The following PRDM2 variants were observed in gnomAD, a reference collection of about 807,000 sequenced individuals.
PRDM2 encodes PR/SET domain 2.
A neutral mutation model predicts 130.0 loss-of-function variants in PRDM2; 30 were observed. The ratio of observed to expected loss-of-function variants is 0.23; its 90% CI spans 0.17 to 0.31. The LOEUF (loss-of-function observed/expected upper bound fraction) is 0.31, where lower values mean the gene tolerates loss of function less well. PRDM2 is among the 10% of genes least tolerant of loss of function. The pLI is 1.00. For missense variants in PRDM2, 2,011 were observed against 2,108.4 expected (o/e 0.95, Z 0.90); for synonymous variants, 871 against 782.4 (o/e 1.11, Z -1.89).
intron 7 of PRDM2, among the ~76,000 whole-genome samples, chr1:13,777,889 A>T (rs1644513529): frequency 6.6e-6 from 1 of 151,954 alleles, no homozygotes; most frequent in Non-Finnish European, 1.5e-5. Context: ...TGATTCTGGA[A>T]AATGTTCTAG....
intron 8 of PRDM2, among the ~76,000 whole-genome samples, chr1:13,786,312 A>G (rs1378311040): frequency 6.6e-6 from 1 of 152,148 alleles, no homozygotes; most frequent in Non-Finnish European, 1.5e-5. Flanking sequence ...CATCTCTGCT[A>G]CATCCCTTGG....
intron 6 of PRDM2, among the ~76,000 whole-genome samples, chr1:13,770,154 A>G (rs1335881039): frequency 6.6e-6 from 1 of 152,120 alleles, no homozygotes; most frequent in Non-Finnish European, 1.5e-5. Flanking sequence ...GCTTCTCCTC[A>G]CAGTGGATTG....
At chr1:13,716,397 G>A (rs544951577) in intron 2 of PRDM2, among the ~76,000 whole-genome samples, 303 of 151,678 alleles carry the variant, frequency 2.0e-3, no homozygotes, top group Non-Finnish European at 2.1e-3. Flanking sequence ...ACATGTATAC[G>A]TATGTAACTA....
At chr1:13,757,626 C>T (rs892031173) in intron 6 of PRDM2, among the ~76,000 whole-genome samples, 1 of 152,118 alleles carries the variant, frequency 6.6e-6, no homozygotes, top group African/African-American at 2.4e-5. Context: ...AATGTGTAGT[C>T]TAAAGATTAA....
chr1:13,789,219 A>T (rs962483579), intron 8 of PRDM2, among the ~76,000 whole-genome samples: 48 of 152,364 alleles, frequency 3.2e-4, no homozygotes, highest in African/African-American at 1.2e-3. Context: ...TTAAAAAATC[A>T]AAAGCTAATT....
chr1:13,759,135 C>G (rs902983288), intron 6 of PRDM2, among the ~76,000 whole-genome samples: 4 of 150,324 alleles, frequency 2.7e-5, no homozygotes, highest in African/African-American at 9.8e-5. Context: ...ACTAATTCAG[C>G]ATTGCTTAGG....
chr1:13,713,591 T>G (rs1482738190), intron 1 of PRDM2, among the ~76,000 whole-genome samples: 1 of 152,242 alleles, frequency 6.6e-6, no homozygotes, highest in African/African-American at 2.4e-5. Flanking sequence ...ATTATAGCTC[T>G]TTCCAAACAT....
chr1:13,795,672 T>C (rs1244741769), intron 8 of PRDM2, among the ~76,000 whole-genome samples: 1 of 152,188 alleles, frequency 6.6e-6, no homozygotes, highest in African/African-American at 2.4e-5. Flanking sequence ...TGAACCCATT[T>C]TGTATCTTCT....
In PRDM2 at chr1:13,778,453, G is replaced by C; in HGVS notation, c.658G>C (p.Ala220Pro). 6.2e-7 allele frequency: 1 copy of C among 1,613,540 alleles called. No individual in the cohort carries two copies. Reference protein sequence around the residue: ...KEDEEKPSASALEQPATLQEV... With the variant: ...KEDEEKPSASPLEQPATLQEV... ...AGACGAAGAGAAGCCTTCAGCCTCA[G>C]CACTTGAGCAGCCGGCCACCCTCCA... Residue 220 changes from alanine (A) to proline (P), a missense_variant, in exon 8 of 10, where the codon GCA (alanine) becomes CCA (proline). Ala to Pro is a conservative substitution (Grantham distance 27). Around this residue, in one of 5 missense-constraint regions of PRDM2, gnomAD observed 1,288 missense variants for 1,237.7 expected, o/e 1.04. Transcript: ENST00000311066.
chr1:13,815,236 A>T (rs1216271206), intron 8 of PRDM2, among the ~76,000 whole-genome samples: 1 of 151,566 alleles, frequency 6.6e-6, no homozygotes, highest in East Asian at 1.9e-4. Context: ...CCTCCTGAGT[A>T]GCTGTGATTA....
intron 6 of PRDM2, among the ~76,000 whole-genome samples, chr1:13,753,567 C>G (rs916713488): frequency 2.8e-4 from 42 of 152,088 alleles, no homozygotes; most frequent in Admixed American, 6.5e-5. Flanking sequence ...AAATAACAAG[C>G]CTTTAGAAAC....
intron 8 of PRDM2, among the ~76,000 whole-genome samples, chr1:13,786,259 C>T (rs1401600849): frequency 2.9e-5 from 4 of 137,996 alleles, no homozygotes; most frequent in African/African-American, 1.0e-4. Flanking sequence ...TTCCATTTAC[C>T]AGGAATTGAT....
chr1:13,733,049 T>C (rs973703848), intron 4 of PRDM2, among the ~76,000 whole-genome samples, 167 bp downstream of exon 4: 2 of 152,226 alleles, frequency 1.3e-5, no homozygotes, highest in Non-Finnish European at 2.9e-5. Flanking sequence ...CAGACTGCTA[T>C]TTATATATGC....
chr1:13,713,507 T>A (rs1642435240), intron 1 of PRDM2, among the ~76,000 whole-genome samples: 1 of 152,206 alleles, frequency 6.6e-6, no homozygotes, highest in African/African-American at 2.4e-5. Context: ...GGAAGAAGCT[T>A]CATAAATGAT....
In PRDM2 at chr1:13,780,787, C is replaced by G. The variant is rs896517191; in HGVS notation, c.2992C>G (p.Pro998Ala). The change falls in exon 8 of 10, where the codon CCC becomes GCC. Residue 998 changes from proline to alanine, a missense_variant. Physicochemically the swap from Pro to Ala is conservative, Grantham distance 27. Transcript: ENST00000311066. The stretch of plus-strand genomic sequence containing the variant: ...CCTTCCTACCGTACCTCTTCCAGCC[C>G]CCTCTTCCAGTGCATCTCCACACCC... ...PLLPTVPLPA[P>A]SSSASPHPCP... 1 of 1,582,718 alleles carries G rather than the reference C, an allele frequency of 6.3e-7. No homozygotes were observed. The highest frequency in any genetic ancestry group is 8.6e-7 in the Non-Finnish European group (1 of 1,161,820).
intron 1 of PRDM2, chr1:13,704,794 C>G (rs767884969): frequency 1.3e-5 from 2 of 152,140 alleles, no homozygotes; most frequent in Non-Finnish European, 2.9e-5. Context: ...AGTATGAATC[C>G]TGTACATTGC....
In PRDM2 at chr1:13,782,808, C is replaced by G; in HGVS notation, c.5013C>G (p.Ala1671=). Residue 1671 remains alanine, a synonymous_variant, in exon 8 of 10, where the codon GCC becomes GCG. Coordinates refer to ENST00000311066, the MANE Select transcript of PRDM2 (RefSeq NM_001393986.1). ...LSENKREDGS[A]KQELKDFSYS... ...AGAACAAGAGAGAGGACGGCAGCGC[C>G]AAGCAGGAGCTGAAGGACTTCAGGT... 1 of 1,607,876 alleles carries G rather than the reference C, an allele frequency of 6.2e-7. No individual in the cohort carries two copies. Among genetic ancestry groups the G allele is most frequent in the Non-Finnish European group, 8.5e-7 (1 of 1,178,736 alleles).
chr1:13,714,035 A>AT (rs1430932552), intron 1 of PRDM2, among the ~76,000 whole-genome samples: 1 of 151,954 alleles, frequency 6.6e-6, no homozygotes, highest in Admixed American at 6.6e-5. Context: ...CACCCAGCTA[A>AT]TTTTTTGTAT....
intron 6 of PRDM2, among the ~76,000 whole-genome samples, chr1:13,764,698 C>A (rs1353122282): frequency 6.6e-6 from 1 of 152,354 alleles, no homozygotes; most frequent in South Asian, 2.1e-4. Context: ...GCAACAGCCC[C>A]CCTGGTGGGA....
Sources: gnomAD v4.1 joint callset for allele counts (sites outside exome capture counted in the v4.1 genomes callset) on GRCh38, gnomAD v4.1.1 for gene constraint, gnomAD v4.1.1 regional missense constraint, MANE v1.5 for transcripts, NCBI Gene and HGNC (gene_info 2026-07-23, HGNC 2026-07-21) for gene names.